The following AKAP13 variants were observed in gnomAD, a reference collection of about 807,000 sequenced individuals.
AKAP13 encodes A-kinase anchoring protein 13.
AKAP13 carries 80 observed loss-of-function variants against 264.5 expected under a neutral mutation model. The ratio of observed to expected loss-of-function variants is 0.30; its 90% confidence interval spans 0.25 to 0.36. The LOEUF (loss-of-function observed/expected upper bound fraction) is 0.36, where lower values mean the gene tolerates loss of function less well. Among genes scored for constraint, AKAP13 ranks in the 10% least tolerant of loss-of-function variants. AKAP13 has a pLI of 1.00. For missense variants in AKAP13, 3,712 were observed against 3,435.2 expected (o/e 1.08, Z -2.01); for synonymous variants, 1,380 against 1,250.2 (o/e 1.10, Z -2.19).
rs62022073 is a variant in AKAP13 at position 85,445,581 on chromosome 15, T to C, written c.-11-40129T>C. On this transcript the variant is annotated intron_variant, in intron 1 of 36. Coordinates refer to ENST00000394518, the MANE Select transcript of AKAP13 (RefSeq NM_007200.5). ...TATGACAGCGTGCTCTTATGAGCAG[T>C]CATTTAATTACATCTTCCTTTGGAC... Among the ~76,000 whole-genome samples the C allele has an allele frequency of 6.0e-3, 908 of 152,348 alleles. 5 individuals are homozygous for C. The highest frequency in any genetic ancestry group is 0.011 in the Non-Finnish European group (759 of 68,034).
intron 1 of AKAP13, among the ~76,000 whole-genome samples, chr15:85,453,943 C>T (rs1451185614): frequency 6.6e-6 from 1 of 152,212 alleles, no homozygotes; most frequent in Non-Finnish European, 1.5e-5. Flanking sequence ...CTGGGGCATC[C>T]CTTCTGTTCT....
chr15:85,732,587 TTG>T (rs1209929809), intron 30 of AKAP13, among the ~76,000 whole-genome samples: 1 of 150,618 alleles, frequency 6.6e-6, no homozygotes, highest in Non-Finnish European at 1.5e-5. Flanking sequence ...ACTACAGTGT[TTG>T]TTTTTTTAAC....
chr15:85,744,317 C>A (rs764577756), intron 36 of AKAP13: 3 of 352,160 alleles, frequency 8.5e-6, no homozygotes, highest in Non-Finnish European at 1.6e-5. Context: ...ACCACTTTTT[C>A]CCCTGAATCC....
rs1055762170 is a variant in AKAP13 at position 85,748,408 on chromosome 15, G to C, written c.*3731G>C. 1 of 152,274 alleles carries C rather than the reference G, an allele frequency of 6.6e-6. No homozygotes were observed. The highest frequency in any genetic ancestry group is 1.5e-5 in the Non-Finnish European group (1 of 68,090). 9.4% of individuals were successfully genotyped at this position (152,274 alleles called of 1,614,324 possible). On this transcript the variant is annotated 3_prime_UTR_variant, in exon 37 of 37. Coordinates refer to ENST00000394518, the MANE Select transcript of AKAP13 (RefSeq NM_007200.5). ...TTGGGGCAGCGGCTGCTGGAGATCT[G>C]TGTGCCTTGCCTTCCTTCAGCAGGA...
chr15:85,600,339 G>A (rs958507904), intron 8 of AKAP13, among the ~76,000 whole-genome samples: 10 of 146,660 alleles, frequency 6.8e-5, no homozygotes, highest in Non-Finnish European at 1.0e-4. Flanking sequence ...AAAAAAAAAG[G>A]CTAGCTTACT....
Position 85,710,618 on chromosome 15 carries a change from C to T in AKAP13, c.5572C>T (p.Leu1858=). The T allele has an allele frequency of 6.2e-7, 1 of 1,613,984 alleles. No individual in the cohort carries two copies. The highest frequency in any genetic ancestry group is 8.5e-7 in the Non-Finnish European group (1 of 1,179,916). ...GSLQAHDTSS[L]PTVIMRNKPS... Reference sequence around the variant, plus strand: ...CCTTCAGGCACATGACACATCATCACTGCCCACGGTCATTATGAGAAACAA... The same window carrying T: ...CCTTCAGGCACATGACACATCATCATTGCCCACGGTCATTATGAGAAACAA... Residue 1858 remains leucine, a synonymous_variant, in exon 19 of 37, where the codon CTG becomes TTG. Transcript: ENST00000394518.
At chr15:85,399,527 A>AAAAAAAAT (rs1567038675) in intron 1 of AKAP13, among the ~76,000 whole-genome samples, 11 of 114,772 alleles carry the variant, frequency 9.6e-5, no homozygotes, top group African/African-American at 2.5e-4. Flanking sequence ...AAAAAATAAA[A>AAAAAAAAT]AAATAAAAAA....
chr15:85,650,023 A>C (rs1312350405), intron 10 of AKAP13, among the ~76,000 whole-genome samples: 1 of 152,192 alleles, frequency 6.6e-6, no homozygotes, highest in African/African-American at 2.4e-5. Flanking sequence ...GACTTATATA[A>C]GATACAAAAC....
In AKAP13 at chr15:85,571,750, A is replaced by G. The variant is rs540233550; in HGVS notation, c.663-3381A>G. Among the ~76,000 whole-genome samples the G allele has an allele frequency of 5.3e-5, 8 of 152,374 alleles. No individual in the cohort carries two copies. The South Asian group carries it at 1.4e-3, about 28-fold the overall frequency. On this transcript the variant is annotated intron_variant, in intron 5 of 36. Coordinates refer to ENST00000394518, the MANE Select transcript of AKAP13 (RefSeq NM_007200.5). ...CAGTACCTTAAATAGTGCCTGGCAC[A>G]TACATACTTGCTGAATGAATGGATG...
At position 85,580,311 on chromosome 15, in the gene AKAP13, T is replaced by C; in HGVS notation, c.2243T>C (p.Leu748Pro). 6.2e-7 allele frequency: 1 copy of C among 1,614,170 alleles called. No homozygotes were observed. Among genetic ancestry groups the C allele is most frequent in the Non-Finnish European group, 8.5e-7 (1 of 1,180,028 alleles). Residue 748 changes from leucine (L) to proline (P), a missense_variant, in exon 7 of 37, where the codon CTA becomes CCA. Leu to Pro is a moderately conservative substitution (Grantham distance 98, BLOSUM62 -3). Transcript: ENST00000394518. ...DNKGQRKDVK[L>P]DKPLTNMLEV... is the part of the protein sequence containing the mutation. Reference sequence around the variant, plus strand: ...AAAGGCCAACGAAAAGATGTGAAACTAGATAAACCTTTAACAAATATGCTT... The same window carrying C: ...AAAGGCCAACGAAAAGATGTGAAACCAGATAAACCTTTAACAAATATGCTT...
In AKAP13 at chr15:85,698,943, CAAAAAA is replaced by C. The variant is rs10715702; in HGVS notation, c.5464+5514_5464+5519del. 6.2e-3 allele frequency among the ~76,000 whole-genome samples: 448 copies of C among 72,844 alleles called. 1 individual carries two copies. The highest frequency in any genetic ancestry group is 9.5e-3 in the Non-Finnish European group (393 of 41,480). 47.8% of individuals were successfully genotyped at this position (72,844 alleles called of 152,430 possible). On this transcript the variant is annotated intron_variant, in intron 17 of 36. Transcript: ENST00000394518. ...TGGGAAACAGAGCGAGACCTTGTCT[CAAAAAA>C]AAAAAAAAAAAAAAAAAAAAATTTA...
At chr15:85,562,577 ATATATATAT>A (rs1567126538) in intron 5 of AKAP13, among the ~76,000 whole-genome samples, 10 of 70,038 alleles carry the variant, frequency 1.4e-4, no homozygotes, top group South Asian at 5.1e-4. Flanking sequence ...AAAAAAAAAT[ATATATATAT>A]ATATATATAT....
chr15:85,714,589 C>T (rs1416785286), intron 19 of AKAP13, among the ~76,000 whole-genome samples: 2 of 152,234 alleles, frequency 1.3e-5, no homozygotes, highest in Non-Finnish European at 2.9e-5. Flanking sequence ...CCATATCTAA[C>T]AGGCACTCCA....
intron 8 of AKAP13, among the ~76,000 whole-genome samples, chr15:85,630,166 T>TATACACACACACAC (rs71468125): frequency 1.0e-5 from 1 of 100,124 alleles, no homozygotes; most frequent in Admixed American, 1.1e-4. Context: ...TTTTAACACA[T>TATACACACACACAC]ACACACACAC....
chr15:85,717,621 G>T (rs1396419083), intron 21 of AKAP13, among the ~76,000 whole-genome samples: 1 of 152,160 alleles, frequency 6.6e-6, no homozygotes, highest in African/African-American at 2.4e-5. Flanking sequence ...TTCGATGTGG[G>T]CCTACTCTTT....
Position 85,655,764 on chromosome 15 carries a change from C to T in AKAP13, c.4722C>T (p.Ser1574=), listed in dbSNP as rs201511713. ...HSWGPGKNAA[S]DAEMNHRSSM... ...GGGGGCCTGGGAAAAATGCAGCCAG[C>T]GATGCAGAAATGAACCACCGGAGGT... The change falls in exon 11 of 37, where the codon AGC becomes AGT. Residue 1574 remains serine (S), a synonymous_variant. Coordinates refer to ENST00000394518, the MANE Select transcript of AKAP13 (RefSeq NM_007200.5). The T allele has an allele frequency of 1.3e-4, 212 of 1,609,990 alleles. No individual in the cohort carries two copies. The highest frequency in any genetic ancestry group is 7.1e-4 in the South Asian group (65 of 90,998).
chr15:85,618,446 G>T (rs2081036142), intron 8 of AKAP13, among the ~76,000 whole-genome samples: 1 of 105,208 alleles, frequency 9.5e-6, no homozygotes, highest in Non-Finnish European at 2.1e-5. Context: ...CCTAGAAAGA[G>T]AAATCCTTTT....
chr15:85,740,775 A>ACCCCCCCCCCCCCCCCCCCCCC (rs34080252), intron 34 of AKAP13, among the ~76,000 whole-genome samples: 1 of 67,388 alleles, frequency 1.5e-5, no homozygotes, highest in South Asian at 6.6e-4. Context: ...ACACACAACC[A>ACCCCCCCCCCCCCCCCCCCCCC]CCCCCCCCCC....
chr15:85,675,390 T>TG (rs1474157091), intron 14 of AKAP13, among the ~76,000 whole-genome samples: 1 of 152,234 alleles, frequency 6.6e-6, no homozygotes, highest in Non-Finnish European at 1.5e-5. Flanking sequence ...AGCATTTATC[T>TG]GGGGTATGGA....
Sources: allele counts gnomAD v4.1 joint callset (sites outside exome capture counted in the v4.1 genomes callset), GRCh38; gene constraint gnomAD v4.1.1; transcripts MANE v1.5; gene names NCBI Gene and HGNC (gene_info 2026-07-23, HGNC 2026-07-21).